MARCHF2: variants seen among roughly 807,000 people sequenced by gnomAD.
The protein encoded by MARCHF2 is membrane associated ring-CH-type finger 2.
A neutral mutation model predicts 24.0 loss-of-function variants in MARCHF2; 22 were observed. That is an observed-to-expected ratio of 0.92 (90% CI 0.66 to 1.31). The LOEUF is 1.31. Among genes scored for constraint, MARCHF2 ranks in the 50% most tolerant of loss-of-function variants. The pLI, the probability that MARCHF2 is intolerant of heterozygous loss-of-function variation, is 0.00. For missense variants in MARCHF2, 301 were observed against 335.3 expected (o/e 0.90, Z 0.80); for synonymous variants, 154 against 153.0 (o/e 1.01, Z -0.05).
intron 4 of MARCHF2, among the ~76,000 whole-genome samples, chr19:8,434,081 C>CTTT (rs750325194): frequency 9.9e-4 from 105 of 105,954 alleles, no homozygotes; most frequent in Admixed American, 1.5e-3. Context: ...ACCAGCATTT[C>CTTT]TTTTTTTTTT....
chr19:8,415,379 T>C (rs1378007059), intron 1 of MARCHF2, among the ~76,000 whole-genome samples: 4 of 142,772 alleles, frequency 2.8e-5, no homozygotes, highest in Non-Finnish European at 6.1e-5. Context: ...GGTGACAGAT[T>C]GAGACCCTGC....
chr19:8,430,010 G>T lies in MARCHF2; in HGVS notation c.373-648G>T, dbSNP rs931355915. The stretch of plus-strand genomic sequence containing the variant: ...CCTCAGTTTCCCCATCTGTAAAATG[G>T]GGGTAAATGTGCCCAGCACCTGGCA... On this transcript the variant is annotated intron_variant, in intron 3 of 4. Coordinates refer to ENST00000215555, the MANE Select transcript of MARCHF2 (RefSeq NM_001005415.2). The surrounding 1 kb of genome is among the most constrained non-coding windows in gnomAD (Gnocchi z 4.4). 1.3e-5 allele frequency among the ~76,000 whole-genome samples: 2 copies of T among 151,896 alleles called. No individual in the cohort carries two copies. The highest frequency in any genetic ancestry group is 4.8e-5 in the African/African-American group (2 of 41,358).
At chr19:8,417,666 G>A (rs1967117223) in intron 1 of MARCHF2, among the ~76,000 whole-genome samples, 1 of 150,408 alleles carries the variant, frequency 6.6e-6, no homozygotes, top group East Asian at 2.0e-4. Flanking sequence ...TCGAACTCCT[G>A]ACTTCAGGTG....
At chr19:8,431,518 AAG>A (rs1555694109) in intron 4 of MARCHF2, among the ~76,000 whole-genome samples, 5 of 147,862 alleles carry the variant, frequency 3.4e-5, no homozygotes, top group East Asian at 3.9e-4. Context: ...AAAAAAAAAA[AAG>A]GAAAAAAGAA....
rs542799555 is a variant in MARCHF2 at position 8,431,491 on chromosome 19, C to T, written c.582+624C>T. Among the ~76,000 whole-genome samples the T allele has an allele frequency of 4.7e-4, 22 of 46,906 alleles. No homozygotes were observed. The East Asian group carries it at 8.7e-3, about 19-fold the overall frequency. 30.8% of individuals were successfully genotyped at this position (46,906 alleles called of 152,430 possible). A position where few individuals can be genotyped will look rare whatever the true frequency, so the allele number is the denominator to read the frequency against. On this transcript the variant is annotated intron_variant, in intron 4 of 4. Coordinates refer to ENST00000215555, the MANE Select transcript of MARCHF2 (RefSeq NM_001005415.2). The stretch of plus-strand genomic sequence containing the variant: ...TAGCCTGTGTAAAAAGAGCGAAACT[C>T]GATCTCAAAAAAAAAAAAAAAAAAA...
In MARCHF2 at chr19:8,438,729, GTTTT is replaced by G. The variant is rs370862443; in HGVS notation, c.*199_*202del. ...GATCCTGTGTGAAGATATTTTCAGGGTTTTTTTTTTTTTTTTTTTGCATATGGAG... is the reference window on the plus strand; with the variant it reads ...GATCCTGTGTGAAGATATTTTCAGGGTTTTTTTTTTTTTTTGCATATGGAG... On this transcript the variant is annotated 3_prime_UTR_variant, in exon 5 of 5. Coordinates refer to ENST00000215555, the MANE Select transcript of MARCHF2 (RefSeq NM_001005415.2). 793 of 374,086 alleles carry G rather than the reference GTTTT, an allele frequency of 2.1e-3. No individual in the cohort carries two copies. Among genetic ancestry groups the G allele is most frequent in the Middle Eastern group, 4.0e-3 (5 of 1,250 alleles). The allele number at this position is 374,086 out of a possible 1,614,324, so 23.2% of individuals were successfully genotyped here. A position where few individuals can be genotyped will look rare whatever the true frequency, so the allele number is the denominator to read the frequency against.
intron 3 of MARCHF2, among the ~76,000 whole-genome samples, chr19:8,428,649 C>CAAAAAAAAAAAAAAAAAAAAAAA: frequency 3.3e-5 from 1 of 30,620 alleles, no homozygotes; most frequent in Non-Finnish European, 5.5e-5. Context: ...GACTCTATCT[C>CAAAAAAAAAAAAAAAAAAAAAAA]AAAAAAAAAA....
intron 2 of MARCHF2, 113 bp downstream of exon 2, chr19:8,422,129 G>C: frequency 8.9e-7 from 1 of 1,123,920 alleles, no homozygotes; most frequent in Non-Finnish European, 1.2e-6. Context: ...GGCCAAGTGG[G>C]TAAATAGAGA....
chr19:8,428,655 A>AAAAC, intron 3 of MARCHF2, among the ~76,000 whole-genome samples: 1 of 139,804 alleles, frequency 7.2e-6, no homozygotes, highest in Non-Finnish European at 1.6e-5. Context: ...ATCTCAAAAA[A>AAAAC]AAAAAAAAAA....
At chr19:8,422,434 C>T (rs921738346) in intron 2 of MARCHF2, among the ~76,000 whole-genome samples, 2 of 151,926 alleles carry the variant, frequency 1.3e-5, no homozygotes, top group Non-Finnish European at 2.9e-5. Context: ...ATTTTGTTGC[C>T]CAGGCTGGAG....
At chr19:8,419,709 G>C (rs1436039362) in intron 1 of MARCHF2, among the ~76,000 whole-genome samples, 7 of 136,670 alleles carry the variant, frequency 5.1e-5, no homozygotes, top group Non-Finnish European at 9.5e-5. Flanking sequence ...CCAGCTACTC[G>C]GGAGGCTGAG....
chr19:8,414,596 G>A (rs1360268329), intron 1 of MARCHF2, among the ~76,000 whole-genome samples: 1 of 152,140 alleles, frequency 6.6e-6, no homozygotes, highest in East Asian at 1.9e-4. Context: ...TCATTTTAGA[G>A]ATGATAATAC....
intron 1 of MARCHF2, among the ~76,000 whole-genome samples, chr19:8,415,721 C>CAAAAAAAAAAAAAAAAAAAAA (rs1309501077): frequency 1.7e-4 from 3 of 17,838 alleles, no homozygotes; most frequent in Non-Finnish European, 3.4e-4. Context: ...AACTCCATCT[C>CAAAAAAAAAAAAAAAAAAAAA]AAAAAAAAAA....
At position 8,421,935 on chromosome 19, in the gene MARCHF2, G is replaced by C. The variant is rs147571934; in HGVS notation, c.95G>C (p.Gly32Ala). 115 of 1,613,734 alleles carry C rather than the reference G, an allele frequency of 7.1e-5. No homozygotes were observed. The highest frequency in any genetic ancestry group is 9.2e-5 in the Non-Finnish European group (109 of 1,179,950). Residue 32 changes from glycine (G) to alanine (A), a missense_variant, in exon 2 of 5, where the codon GGA becomes GCA. By Grantham distance (60) the Gly-to-Ala change is moderately conservative (BLOSUM62 0). Coordinates refer to ENST00000215555, the MANE Select transcript of MARCHF2 (RefSeq NM_001005415.2). ...AAGGTCGTGGAGGCTACGGGCCTCG[G>C]ACCGCCCCAGTATGTGGCACAGGTG... Reference protein sequence around the residue: ...FSKVVEATGLGPPQYVAQVTS... With the variant: ...FSKVVEATGLAPPQYVAQVTS...
At position 8,430,638 on chromosome 19, in the gene MARCHF2, C is replaced by T; in HGVS notation, c.373-20C>T. 2 of 1,602,468 alleles carry T rather than the reference C, an allele frequency of 1.2e-6. No individual in the cohort carries two copies. The highest frequency in any genetic ancestry group is 1.7e-6 in the Non-Finnish European group (2 of 1,177,832). On this transcript the variant is annotated intron_variant, in intron 3 of 4. Coordinates refer to ENST00000215555, the MANE Select transcript of MARCHF2 (RefSeq NM_001005415.2). The surrounding 1 kb of genome is among the most constrained non-coding windows in gnomAD (Gnocchi z 4.4). Reference sequence around the variant, plus strand: ...CCTTCTCTGCCCCCTCTCCTCTGCCCCCTATCCTCTCCCCTGCAGTGGCTG... The same window carrying T: ...CCTTCTCTGCCCCCTCTCCTCTGCCTCCTATCCTCTCCCCTGCAGTGGCTG...
At chr19:8,425,191 C>T (rs1201469800) in intron 2 of MARCHF2, among the ~76,000 whole-genome samples, 6 of 151,544 alleles carry the variant, frequency 4.0e-5, no homozygotes, top group East Asian at 1.9e-4. Flanking sequence ...CTGGCTAACA[C>T]GGTGAAACCC....
At chr19:8,437,335 T>C (rs1183542341) in intron 4 of MARCHF2, among the ~76,000 whole-genome samples, 2 of 149,820 alleles carry the variant, frequency 1.3e-5, no homozygotes, top group African/African-American at 2.4e-5. Context: ...CACTGTTTAT[T>C]TATTCATTCA....
chr19:8,428,259 CAAAA>C (rs956781815), intron 3 of MARCHF2, among the ~76,000 whole-genome samples: 1 of 140,182 alleles, frequency 7.1e-6, no homozygotes, highest in Non-Finnish European at 1.6e-5. Flanking sequence ...GACTCCATCT[CAAAA>C]AAAAAAATTA....
chr19:8,413,333 A>C lies in MARCHF2; in HGVS notation c.-140A>C, dbSNP rs1345485371. On this transcript the variant is annotated 5_prime_UTR_variant, in exon 1 of 5. Coordinates refer to ENST00000215555, the MANE Select transcript of MARCHF2 (RefSeq NM_001005415.2). Reference sequence around the variant, plus strand: ...CGCAGGTGCCGGCCGGAGCGGAGCTAGTGGCGCCGACGGGCCGGGCCGGGC... The same window carrying C: ...CGCAGGTGCCGGCCGGAGCGGAGCTCGTGGCGCCGACGGGCCGGGCCGGGC... 2.6e-5 allele frequency: 4 copies of C among 151,494 alleles called. No individual in the cohort carries two copies. The highest frequency in any genetic ancestry group is 7.3e-5 in the African/African-American group (3 of 41,222). The allele number at this position is 151,494 out of a possible 1,614,324, so 9.4% of individuals were successfully genotyped here.
Sources: allele counts gnomAD v4.1 joint callset (sites outside exome capture counted in the v4.1 genomes callset), GRCh38; gene constraint gnomAD v4.1.1; non-coding constraint Gnocchi (gnomAD v3.1); transcripts MANE v1.5; gene names NCBI Gene and HGNC (gene_info 2026-07-23, HGNC 2026-07-21).